AKR1B1: variants seen among roughly 807,000 people sequenced by gnomAD.
The protein encoded by AKR1B1 is aldo-keto reductase family 1 member B.
A neutral mutation model predicts 40.4 loss-of-function variants in AKR1B1; 22 were observed. That is an observed-to-expected ratio of 0.54 (90% CI 0.39 to 0.78). AKR1B1 has a LOEUF of 0.78. Among genes scored for constraint, AKR1B1 ranks in the 30% least tolerant of loss-of-function variants. AKR1B1 has a pLI of 0.00. For synonymous variants in AKR1B1, 157 were observed against 149.9 expected (o/e 1.05, Z -0.35); for missense variants, 357 against 396.7 (o/e 0.90, Z 0.85).
chr7:134,445,396 G>A, intron 8 of AKR1B1, 76 bp from the exon 9 acceptor site: 4 of 1,219,784 alleles, frequency 3.3e-6, no homozygotes, highest in Non-Finnish European at 4.7e-6. Flanking sequence ...GGACCCAGAT[G>A]TCTTCCATGG....
upstream of AKR1B1, chr7:134,459,231 A>T: frequency 2.6e-6 from 2 of 782,608 alleles, no homozygotes; most frequent in Non-Finnish European, 4.1e-6. Context: ...GCCTTCCCCA[A>T]GGGTCGGCGG....
intron 4 of AKR1B1, chr7:134,449,336 C>T (rs1806208607): frequency 6.3e-6 from 4 of 634,124 alleles, no homozygotes; most frequent in Middle Eastern, 4.2e-4. Flanking sequence ...CCTGTAATCC[C>T]AGCACTTTGG....
In AKR1B1 at chr7:134,459,066, T is replaced by C. The variant is rs751586863; in HGVS notation, c.-4A>G. On this transcript the variant is annotated 5_prime_UTR_variant, in exon 1 of 10. Transcript: ENST00000285930. ...TGAGCAGGAGACGGCTTGCCATGGCTGCTGCGCTCCCCAGACCCCCGCCCA... is the reference window on the plus strand; with the variant it reads ...TGAGCAGGAGACGGCTTGCCATGGCCGCTGCGCTCCCCAGACCCCCGCCCA... 5 of 1,601,848 alleles carry C rather than the reference T, an allele frequency of 3.1e-6. No individual in the cohort carries two copies. The highest frequency in any genetic ancestry group is 3.4e-6 in the Non-Finnish European group (4 of 1,175,206).
At chr7:134,458,928 C>A (rs938680191) in intron 1 of AKR1B1, 69 bp downstream of exon 1, 33 of 1,517,954 alleles carry the variant, frequency 2.2e-5, no homozygotes, top group Middle Eastern at 2.0e-4. Flanking sequence ...CACTCGGGGT[C>A]CCTCGCCAAT....
chr7:134,458,760 C>T (rs1806573290), intron 1 of AKR1B1, among the ~76,000 whole-genome samples: 1 of 152,178 alleles, frequency 6.6e-6, no homozygotes, highest in Non-Finnish European at 1.5e-5. Context: ...GAGCTGCTCC[C>T]AAACCCCACT....
At chr7:134,447,262 T>C (rs1012584826) in intron 8 of AKR1B1, 36 bp downstream of exon 8, 5 of 1,565,296 alleles carry the variant, frequency 3.2e-6, no homozygotes, top group Middle Eastern at 1.8e-4. Flanking sequence ...CCCCACTCCA[T>C]GGAGGAGGGC....
intron 9 of AKR1B1, among the ~76,000 whole-genome samples, chr7:134,442,983 T>A (rs756120749): frequency 2.6e-5 from 4 of 152,158 alleles, no homozygotes; most frequent in Non-Finnish European, 5.9e-5. Flanking sequence ...AAGCAGCACA[T>A]GTGTGAGGGA....
At chr7:134,455,239 C>T (rs1249603263) in intron 1 of AKR1B1, among the ~76,000 whole-genome samples, 1 of 152,178 alleles carries the variant, frequency 6.6e-6, no homozygotes, top group Non-Finnish European at 1.5e-5. Context: ...GCTTATAGAA[C>T]AGCTTGTGAC....
chr7:134,449,333 T>C (rs1806208367), intron 4 of AKR1B1: 11 of 636,870 alleles, frequency 1.7e-5, no homozygotes, highest in Admixed American at 1.2e-4. Flanking sequence ...ACGCCTGTAA[T>C]CCCAGCACTT....
intron 5 of AKR1B1, 62 bp from the exon 6 acceptor site, chr7:134,448,555 T>G (rs946921112): frequency 7.9e-7 from 1 of 1,269,334 alleles, no homozygotes. Context: ...GGGACACAGA[T>G]GAAGCTTCCT....
intron 1 of AKR1B1, among the ~76,000 whole-genome samples, chr7:134,453,619 T>C (rs930215249): frequency 2.6e-5 from 4 of 152,106 alleles, no homozygotes; most frequent in African/African-American, 7.2e-5. Flanking sequence ...CAAGCTTGCG[T>C]TGGCACGACA....
chr7:134,445,180 T>C lies in AKR1B1; in HGVS notation c.908+58A>G. The C allele has an allele frequency of 3.4e-6, 5 of 1,457,894 alleles. No individual in the cohort carries two copies. The South Asian group carries it at 4.8e-5, about 14-fold the overall frequency. 90.3% of individuals were successfully genotyped at this position (1,457,894 alleles called of 1,614,324 possible). On this transcript the variant is annotated intron_variant, in intron 9 of 9. Coordinates refer to ENST00000285930, the MANE Select transcript of AKR1B1 (RefSeq NM_001628.4). ...CTGAGGCCTGCAGGGATCACTCTCT[T>C]GCTGTGCAGCATCTGAATATCTCCT...
intron 6 of AKR1B1, 32 bp downstream of exon 6, chr7:134,448,355 G>C (rs376263837): frequency 1.3e-6 from 2 of 1,529,506 alleles, no homozygotes; most frequent in African/African-American, 2.7e-5. Context: ...TTCACCAAGT[G>C]ACACAGGAGC....
chr7:134,450,412 T>A (rs1187439961), intron 3 of AKR1B1, among the ~76,000 whole-genome samples: 1 of 152,136 alleles, frequency 6.6e-6, no homozygotes, highest in Non-Finnish European at 1.5e-5. Flanking sequence ...GTATGGGGGT[T>A]GGTGTGTGCA....
In AKR1B1 at chr7:134,442,401, A is replaced by G; in HGVS notation, c.*327T>C. The G allele has an allele frequency of 4.0e-6, 1 of 251,580 alleles. No individual in the cohort carries two copies. Among genetic ancestry groups the G allele is most frequent in the Non-Finnish European group, 7.7e-6 (1 of 129,902 alleles). The allele number at this position is 251,580 out of a possible 1,614,324, so 15.6% of individuals were successfully genotyped here. The stretch of plus-strand genomic sequence containing the variant: ...TGAGGCAAAGAGAAGTCTTGCTGAA[A>G]GGATTCCAGTTCCAAGCAGTCAAAA... On this transcript the variant is annotated 3_prime_UTR_variant, in exon 10 of 10. Coordinates refer to ENST00000285930, the MANE Select transcript of AKR1B1 (RefSeq NM_001628.4).
rs1296677059 is a variant in AKR1B1 at position 134,449,123 on chromosome 7, C to T, written c.430-4G>A. On this transcript the variant is annotated splice_region_variant and splice_polypyrimidine_tract_variant and intron_variant, in intron 4 of 9. Coordinates refer to ENST00000285930, the MANE Select transcript of AKR1B1 (RefSeq NM_001628.4). ...CATCCACCAGCTCTTCCATGGCCTA[C>T]AGAGAAAAGTGTCTGTGTGGTGCAG... 6 of 1,613,226 alleles carry T rather than the reference C, an allele frequency of 3.7e-6. No homozygotes were observed. The highest frequency in any genetic ancestry group is 5.1e-6 in the Non-Finnish European group (6 of 1,180,024).
At chr7:134,452,727 G>C (rs1228754728) in intron 1 of AKR1B1, among the ~76,000 whole-genome samples, 1 of 152,168 alleles carries the variant, frequency 6.6e-6, no homozygotes, top group Non-Finnish European at 1.5e-5. Context: ...AGCTGGGGTA[G>C]AAACAAATGA....
At chr7:134,452,147 T>C (rs139788085) in intron 1 of AKR1B1, among the ~76,000 whole-genome samples, 5 of 152,224 alleles carry the variant, frequency 3.3e-5, no homozygotes, top group East Asian at 3.8e-4. Flanking sequence ...ATTTCAAAAA[T>C]AGATGTCCTA....
intron 1 of AKR1B1, among the ~76,000 whole-genome samples, chr7:134,452,135 A>G (rs1806306709): frequency 6.6e-6 from 1 of 152,224 alleles, no homozygotes; most frequent in South Asian, 2.1e-4. Flanking sequence ...ATATCTCAAA[A>G]TATTTCAAAA....
Sources: allele counts gnomAD v4.1 joint callset (sites outside exome capture counted in the v4.1 genomes callset), GRCh38; gene constraint gnomAD v4.1.1; transcripts MANE v1.5; gene names NCBI Gene and HGNC (gene_info 2026-07-23, HGNC 2026-07-21).